Variants in ACOT11 observed in about 807,000 individuals in gnomAD.
ACOT11 encodes the protein acyl-CoA thioesterase 11, also known as acyl-coenzyme A thioesterase 11.
ACOT11 carries 69 observed loss-of-function variants against 77.5 expected under a neutral mutation model. The ratio of observed to expected loss-of-function variants is 0.89; its 90% CI spans 0.73 to 1.09. The LOEUF (loss-of-function observed/expected upper bound fraction) is 1.09. Ranked by LOEUF, ACOT11 falls within the 50% of genes least tolerant of loss-of-function variation. ACOT11 has a pLI of 0.00. For missense variants in ACOT11, 766 were observed against 813.7 expected, an observed-to-expected ratio of 0.94 and a Z score of 0.71; for synonymous variants, 279 against 313.0, an observed-to-expected ratio of 0.89 and a Z score of 1.15.
exon 17 of ACOT11, chr1:54,635,047 A>C (rs371332484): frequency 2.7e-5 from 10 of 368,920 alleles, no homozygotes; most frequent in East Asian, 1.4e-4. Context: ...ACACAGTTAC[A>C]CATGCTTTCT....
intron 8 of ACOT11, 134 bp from the exon 9 acceptor site, chr1:54,601,135 G>GCATA: frequency 1.2e-6 from 1 of 861,320 alleles, no homozygotes. Flanking sequence ...GTATGTGTGT[G>GCATA]CATACGTGTG....
At chr1:54,563,001 G>T (rs1236059696) in intron 1 of ACOT11, among the ~76,000 whole-genome samples, 1 of 147,834 alleles carries the variant, frequency 6.8e-6, no homozygotes, top group Non-Finnish European at 1.5e-5. Context: ...TTCCCAGACG[G>T]GGTGGCGGCC....
chr1:54,581,815 C>A (rs980008667), intron 1 of ACOT11, among the ~76,000 whole-genome samples: 2 of 152,188 alleles, frequency 1.3e-5, no homozygotes, highest in African/African-American at 4.8e-5. Context: ...AGCTCTGGAG[C>A]CCCATTGGCC....
At chr1:54,564,327 G>C (rs1050082749) in intron 1 of ACOT11, among the ~76,000 whole-genome samples, 1 of 152,254 alleles carries the variant, frequency 6.6e-6, no homozygotes, top group Non-Finnish European at 1.5e-5. Context: ...CAGAAGCCTG[G>C]TAGGTCAGTG....
At chr1:54,562,531 C>T (rs1336736279) in intron 1 of ACOT11, among the ~76,000 whole-genome samples, 11 of 78,246 alleles carry the variant, frequency 1.4e-4, no homozygotes, top group African/African-American at 3.6e-4. Context: ...GGCGGCTGGC[C>T]GGGCGGGGGG....
downstream of ACOT11, among the ~76,000 whole-genome samples, chr1:54,613,640 G>A (rs1387073268): frequency 6.6e-6 from 1 of 151,818 alleles, no homozygotes; most frequent in African/African-American, 2.4e-5. Flanking sequence ...TTTTTTCTTT[G>A]TACTTTTCTT....
intron 1 of ACOT11, among the ~76,000 whole-genome samples, chr1:54,566,281 A>AC (rs930071343): frequency 7.2e-5 from 11 of 151,964 alleles, no homozygotes; most frequent in Non-Finnish European, 1.6e-4. Flanking sequence ...ACATGGTGAT[A>AC]CCCCATCTCT....
At chr1:54,623,643 A>G (rs2060387) in intron 15 of ACOT11, 1 of 439,858 alleles carries the variant, frequency 2.3e-6, no homozygotes, top group African/African-American at 2.0e-5. Flanking sequence ...TATCTACCAT[A>G]TCTAAAATGA....
chr1:54,634,738 C>T (rs1409674048), exon 17 of ACOT11: 2 of 702,402 alleles, frequency 2.8e-6, no homozygotes, highest in Non-Finnish European at 5.2e-6. Flanking sequence ...GAAACCTTAT[C>T]ATGAGCCAGA....
intron 15 of ACOT11, among the ~76,000 whole-genome samples, chr1:54,620,877 A>AG (rs1644223439): frequency 2.2e-5 from 3 of 135,008 alleles, no homozygotes; most frequent in Non-Finnish European, 4.7e-5. Context: ...AAAAAAAAAA[A>AG]GGCTGGGTTT....
chr1:54,590,559 C>T (rs1432224891), intron 3 of ACOT11, among the ~76,000 whole-genome samples: 1 of 152,038 alleles, frequency 6.6e-6, no homozygotes, highest in Non-Finnish European at 1.5e-5. Flanking sequence ...TCACAAATTC[C>T]TCTCAGCACC....
intron 9 of ACOT11, 21 bp from the exon 10 acceptor site, chr1:54,602,648 C>A: frequency 6.6e-7 from 1 of 1,515,492 alleles, no homozygotes; most frequent in Admixed American, 2.3e-5. Context: ...AGCTGGTTGC[C>A]TATCCCGACT....
intron 15 of ACOT11, among the ~76,000 whole-genome samples, chr1:54,624,430 T>G (rs548469872): frequency 6.6e-6 from 1 of 152,022 alleles, no homozygotes; most frequent in East Asian, 1.9e-4. Context: ...CCTGAGTCCA[T>G]TTTCCTGCCT....
intron 11 of ACOT11, 37 bp from the exon 12 acceptor site, chr1:54,604,309 G>T (rs1371184600): frequency 2.5e-6 from 4 of 1,595,580 alleles, no homozygotes; most frequent in Non-Finnish European, 2.6e-6. Context: ...CTGAAGGAAG[G>T]GGGTGGGGTA....
At chr1:54,573,636 G>A (rs1389916105) in intron 1 of ACOT11, among the ~76,000 whole-genome samples, 1 of 152,248 alleles carries the variant, frequency 6.6e-6, no homozygotes, top group East Asian at 1.9e-4. Flanking sequence ...GGGAGGCAGA[G>A]GCAGGAGAAT....
In ACOT11 at chr1:54,595,792, G is replaced by A. The variant is rs145937568; in HGVS notation, c.607+1101G>A. Among the ~76,000 whole-genome samples the A allele has an allele frequency of 1.3e-4, 20 of 152,314 alleles. No individual in the cohort carries two copies. The East Asian group carries it at 3.9e-3, about 29-fold the overall frequency. On this transcript the variant is annotated intron_variant, in intron 6 of 15. Transcript: ENST00000343744. ...AGCCTGGGCAAAGGCCTAGAAGGGA[G>A]ACCTTGGACTTGTTTACTTATCCCC...
intron 5 of ACOT11, among the ~76,000 whole-genome samples, 182 bp from the exon 6 acceptor site, chr1:54,594,374 T>A (rs11206392): frequency 3.0e-4 from 45 of 152,248 alleles, no homozygotes; most frequent in African/African-American, 1.1e-3. Context: ...GGAGGATGAA[T>A]ATGTATCAGG....
chr1:54,548,550 G>C, intron 1 of ACOT11: 1 of 650,728 alleles, frequency 1.5e-6, no homozygotes, highest in Non-Finnish European at 2.7e-6. Context: ...GGGGCTGTCA[G>C]ATCCCCCACG....
At chr1:54,562,865 C>T (rs1354678086) in intron 1 of ACOT11, among the ~76,000 whole-genome samples, 21 of 126,804 alleles carry the variant, frequency 1.7e-4, no homozygotes, top group South Asian at 6.0e-4. Flanking sequence ...TGGGAAGAGG[C>T]GCTCCTCACT....
Sources: allele counts gnomAD v4.1 joint callset (sites outside exome capture counted in the v4.1 genomes callset), GRCh38; gene constraint gnomAD v4.1.1; transcripts MANE v1.5; gene names NCBI Gene and HGNC (gene_info 2026-07-23, HGNC 2026-07-21).